The following SLC1A6 variants were observed in gnomAD, a reference collection of about 807,000 sequenced individuals.
SLC1A6 encodes the protein excitatory amino acid transporter 4.
In SLC1A6, 15 loss-of-function variants were observed where a neutral mutation model predicts 42.1. That is an observed-to-expected ratio of 0.36 (90% CI 0.24 to 0.55). The LOEUF (loss-of-function observed/expected upper bound fraction) is 0.55. SLC1A6 is among the 20% of genes least tolerant of loss of function. The pLI is 0.88. For synonymous variants in SLC1A6, 317 were observed against 319.7 expected (o/e 0.99, Z 0.09); for missense variants, 542 against 772.5 (o/e 0.70, Z 3.54).
chr19:14,958,255 A>T (rs1034824268), intron 6 of SLC1A6, among the ~76,000 whole-genome samples: 1 of 151,944 alleles, frequency 6.6e-6, no homozygotes, highest in African/African-American at 2.4e-5. Flanking sequence ...TATTAAAAAT[A>T]AAAAAATTAG....
At chr19:14,986,536 G>A (rs2045793557) in intron 1 of SLC1A6, among the ~76,000 whole-genome samples, 1 of 150,044 alleles carries the variant, frequency 6.7e-6, no homozygotes, top group Admixed American at 6.6e-5. Context: ...AAAAAAAAAA[G>A]GATTTAATAA....
At chr19:14,989,628 T>A (rs1394249397) in intron 1 of SLC1A6, among the ~76,000 whole-genome samples, 1 of 152,030 alleles carries the variant, frequency 6.6e-6, no homozygotes, top group East Asian at 1.9e-4. Context: ...CCATGTGCTC[T>A]GTTGGTGGGA....
chr19:14,964,163 T>C (rs2045547639), intron 5 of SLC1A6, 156 bp downstream of exon 5: 1 of 663,064 alleles, frequency 1.5e-6, no homozygotes, highest in Non-Finnish European at 2.8e-6. Context: ...CAGATCACCA[T>C]GGAAAATACA....
rs141431372 is a variant in SLC1A6, at chr19:14,968,344, G to A, written c.507C>T (p.Ile169=). 2 of 1,613,694 alleles carry A rather than the reference G, an allele frequency of 1.2e-6. No individual in the cohort carries two copies. The highest frequency in any genetic ancestry group is 1.7e-6 in the Non-Finnish European group (2 of 1,179,880). ...SKEGLHREGR[I]ETIPTADAFM... ...AGGCATCAGCTGTGGGGATGGTCTC[G>A]ATCCGGCCCTCCCGGTGCAGCCCCT... Residue 169 remains isoleucine (I), a synonymous_variant, in exon 4 of 10, where the codon ATC becomes ATT. Transcript: ENST00000594383.
chr19:14,982,812 T>C (rs1324190282), upstream of SLC1A6, among the ~76,000 whole-genome samples: 1 of 152,200 alleles, frequency 6.6e-6, no homozygotes, highest in Non-Finnish European at 1.5e-5. Flanking sequence ...CTTTACAGTA[T>C]CAGAAATTAA....
upstream of SLC1A6, among the ~76,000 whole-genome samples, chr19:14,984,353 A>C (rs1462316977): frequency 6.6e-6 from 1 of 152,200 alleles, no homozygotes; most frequent in Admixed American, 6.6e-5. Flanking sequence ...AAACAAAAAA[A>C]AAAGCAACTT....
At chr19:15,007,948 C>T (rs1051303737) in intron 1 of SLC1A6, among the ~76,000 whole-genome samples, 9 of 151,894 alleles carry the variant, frequency 5.9e-5, no homozygotes, top group African/African-American at 1.9e-4. Flanking sequence ...TCGCTTGAAC[C>T]CAGGAAGCAG....
chr19:14,975,842 GGACA>G (rs1422783047), intron 1 of SLC1A6, among the ~76,000 whole-genome samples: 52 of 105,000 alleles, frequency 5.0e-4, no homozygotes, highest in Middle Eastern at 5.6e-3. Flanking sequence ...GAAGGGAAGG[GGACA>G]AAGGGAAGGG....
intron 3 of SLC1A6, 23 bp from the exon 4 acceptor site, chr19:14,968,530 C>T (rs2045600435): frequency 6.3e-7 from 1 of 1,583,466 alleles, no homozygotes; most frequent in Non-Finnish European, 8.6e-7. Context: ...TGATGTGGCC[C>T]CCGCAGCTCC....
intron 1 of SLC1A6, among the ~76,000 whole-genome samples, chr19:15,008,947 G>A (rs2045909993): frequency 6.6e-6 from 1 of 151,276 alleles, no homozygotes; most frequent in African/African-American, 2.4e-5. Flanking sequence ...AGTGAGCCGA[G>A]ATCATGCCAC....
intron 7 of SLC1A6, among the ~76,000 whole-genome samples, chr19:14,956,145 C>T (rs1047631496): frequency 2.6e-5 from 4 of 151,884 alleles, no homozygotes; most frequent in Non-Finnish European, 5.9e-5. Context: ...AAGAGATCTC[C>T]CAGACACCAT....
At chr19:14,968,606 C>T (rs1031457429) in intron 3 of SLC1A6, 99 bp from the exon 4 acceptor site, 9 of 1,031,506 alleles carry the variant, frequency 8.7e-6, no homozygotes, top group East Asian at 5.3e-5. Flanking sequence ...ACTCAACAGC[C>T]GACCCACCAA....
At chr19:14,997,814 A>G (rs959057706) in intron 1 of SLC1A6, among the ~76,000 whole-genome samples, 2 of 152,192 alleles carry the variant, frequency 1.3e-5, no homozygotes, top group Non-Finnish European at 1.5e-5. Context: ...TCTGAAATCA[A>G]GGTGTTGGTA....
chr19:14,983,787 T>C (rs960609844), upstream of SLC1A6, among the ~76,000 whole-genome samples: 1 of 146,670 alleles, frequency 6.8e-6, no homozygotes, highest in Admixed American at 6.8e-5. Context: ...AGAGACAATA[T>C]GTATGTTAGG....
chr19:14,954,396 G>T, intron 7 of SLC1A6, 67 bp from the exon 8 acceptor site: 2 of 1,416,146 alleles, frequency 1.4e-6, no homozygotes, highest in Non-Finnish European at 2.0e-6. Flanking sequence ...GGAACAGGGT[G>T]TGGCCTAGTG....
chr19:14,998,712 A>T (rs1347944194), intron 1 of SLC1A6, among the ~76,000 whole-genome samples: 1 of 152,158 alleles, frequency 6.6e-6, no homozygotes, highest in East Asian at 1.9e-4. Context: ...TATTTCTTTG[A>T]CATATTTTGA....
rs3746295 is a variant in SLC1A6 at position 14,972,881 on chromosome 19, C to A, written c.30G>T (p.Leu10=). MSSHGNSLF[L]RESGQRLGRV... is the part of the protein sequence containing the mutation. Reference sequence around the variant, plus strand: ...GGCCCAGCCGCTGGCCGCTCTCCCGCAGGAACAGGCTGTTGCCATGGCTGC... The same window carrying A: ...GGCCCAGCCGCTGGCCGCTCTCCCGAAGGAACAGGCTGTTGCCATGGCTGC... Residue 10 remains leucine (L), a synonymous_variant, in exon 2 of 10, where the codon CTG becomes CTT. Transcript: ENST00000594383. The A allele has an allele frequency of 0.53, 843,108 of 1,595,290 alleles. 224,351 individuals carry two copies. Among genetic ancestry groups the A allele is most frequent in the East Asian group, 0.65 (28,937 of 44,212 alleles).
chr19:14,976,320 G>C (rs1210352607), intron 1 of SLC1A6, among the ~76,000 whole-genome samples: 3 of 152,140 alleles, frequency 2.0e-5, no homozygotes, highest in Non-Finnish European at 4.4e-5. Flanking sequence ...ATATAGATAA[G>C]TTTATCATAT....
chr19:14,967,339 C>T (rs2145192360), intron 4 of SLC1A6, among the ~76,000 whole-genome samples: 1 of 152,260 alleles, frequency 6.6e-6, no homozygotes, highest in East Asian at 1.9e-4. Flanking sequence ...AAAATGAGTA[C>T]AGTCACCTGT....
Sources: gnomAD v4.1 joint callset for allele counts (sites outside exome capture counted in the v4.1 genomes callset) on GRCh38, gnomAD v4.1.1 for gene constraint, MANE v1.5 for transcripts, NCBI Gene and HGNC (gene_info 2026-07-23, HGNC 2026-07-21) for gene names.